The following CRIM1 variants were observed in gnomAD, a reference collection of about 807,000 sequenced individuals.
CRIM1 encodes cysteine rich transmembrane BMP regulator 1.
In CRIM1, 32 loss-of-function variants were observed where a neutral mutation model predicts 116.4. The observed-to-expected ratio is 0.27, with a 90% CI of 0.21 to 0.37. The LOEUF (loss-of-function observed/expected upper bound fraction) is 0.37. Among genes scored for constraint, CRIM1 ranks in the 10% least tolerant of loss-of-function variants. The pLI, the probability that CRIM1 is intolerant of heterozygous loss-of-function variation, is 1.00. For synonymous variants in CRIM1, 590 were observed against 509.2 expected, an observed-to-expected ratio of 1.16 and a Z score of -2.13; for missense variants, 1,331 against 1,354.8, an observed-to-expected ratio of 0.98 and a Z score of 0.28.
intron 1 of CRIM1, among the ~76,000 whole-genome samples, chr2:36,371,303 G>A (rs1246221224): frequency 1.3e-5 from 2 of 151,654 alleles, no homozygotes; most frequent in Non-Finnish European, 2.9e-5. Flanking sequence ...TCCTTCCCCT[G>A]TTATAGCACT....
chr2:36,458,023 T>C (rs1280492880), intron 4 of CRIM1, among the ~76,000 whole-genome samples: 1 of 152,234 alleles, frequency 6.6e-6, no homozygotes, highest in East Asian at 1.9e-4. Context: ...AAGTAGTTTT[T>C]AATTTATAGG....
Position 36,479,481 on chromosome 2 carries a change from T to G in CRIM1, c.1175-16T>G. 1 of 1,613,054 alleles carries G rather than the reference T, an allele frequency of 6.2e-7. No individual in the cohort carries two copies. Among genetic ancestry groups the G allele is most frequent in the Non-Finnish European group, 8.5e-7 (1 of 1,179,004 alleles). ...GAAGATGCTCAGTCTAACTCTGAACTCATGTTCTCATTTAGATCCAGTGTA... is the reference window on the plus strand; with the variant it reads ...GAAGATGCTCAGTCTAACTCTGAACGCATGTTCTCATTTAGATCCAGTGTA... On this transcript the variant is annotated splice_polypyrimidine_tract_variant and intron_variant, in intron 6 of 16. Transcript: ENST00000280527.
intron 1 of CRIM1, chr2:36,378,853 G>C (rs914421600): frequency 7.3e-6 from 1 of 137,218 alleles, no homozygotes; most frequent in African/African-American, 2.8e-5. Flanking sequence ...CTGTCACCCA[G>C]GCTGGAGTGC....
chr2:36,491,998 C>G (rs1680259302), intron 7 of CRIM1, among the ~76,000 whole-genome samples: 1 of 152,034 alleles, frequency 6.6e-6, no homozygotes, highest in South Asian at 2.1e-4. Flanking sequence ...AGATACCCCA[C>G]TCTATAAAAA....
At chr2:36,359,459 T>A (rs1384072278) in intron 1 of CRIM1, among the ~76,000 whole-genome samples, 1 of 152,176 alleles carries the variant, frequency 6.6e-6, no homozygotes, top group Non-Finnish European at 1.5e-5. Context: ...CAAAATGAGT[T>A]AGATAAATCA....
chr2:36,369,198 G>C (rs1669787956), intron 1 of CRIM1: 1 of 152,228 alleles, frequency 6.6e-6, no homozygotes, highest in Admixed American at 6.5e-5. Flanking sequence ...TCTCTACAAA[G>C]CAGCCCATGA....
At chr2:36,416,581 A>AT (rs1237824514) in intron 2 of CRIM1, among the ~76,000 whole-genome samples, 1 of 152,216 alleles carries the variant, frequency 6.6e-6, no homozygotes, top group Admixed American at 6.5e-5. Flanking sequence ...CAGGTTTAGT[A>AT]TTTTTTGACC....
At chr2:36,372,255 A>G (rs987948124) in intron 1 of CRIM1, among the ~76,000 whole-genome samples, 4 of 152,202 alleles carry the variant, frequency 2.6e-5, no homozygotes, top group Non-Finnish European at 5.9e-5. Flanking sequence ...TAAGGCATTT[A>G]GGAAAGCAAA....
intron 7 of CRIM1, among the ~76,000 whole-genome samples, chr2:36,496,774 C>T (rs1288804068): frequency 6.6e-6 from 1 of 152,202 alleles, no homozygotes; most frequent in African/African-American, 2.4e-5. Context: ...AGATTGGCTT[C>T]TGTGACTGAT....
At chr2:36,459,562 G>A (rs1394635378) in intron 4 of CRIM1, among the ~76,000 whole-genome samples, 7 of 152,146 alleles carry the variant, frequency 4.6e-5, no homozygotes, top group African/African-American at 1.7e-4. Flanking sequence ...ATGATGGGCC[G>A]ATGCACTTCA....
intron 5 of CRIM1, among the ~76,000 whole-genome samples, chr2:36,468,796 G>A (rs1678252782): frequency 6.6e-6 from 1 of 152,154 alleles, no homozygotes; most frequent in Admixed American, 6.5e-5. Flanking sequence ...GTTCCTGGAG[G>A]CATTTGGGTT....
intron 1 of CRIM1, among the ~76,000 whole-genome samples, chr2:36,360,268 A>G (rs1669131200): frequency 6.6e-6 from 1 of 152,178 alleles, no homozygotes; most frequent in Admixed American, 6.5e-5. Context: ...GTACAGACAG[A>G]GTGATGAGGA....
At chr2:36,488,917 C>T (rs1161013262) in intron 7 of CRIM1, among the ~76,000 whole-genome samples, 1 of 152,052 alleles carries the variant, frequency 6.6e-6, no homozygotes, top group East Asian at 1.9e-4. Flanking sequence ...CATTGGCTGC[C>T]GGAGCAAACC....
chr2:36,432,582 C>T (rs1280913084), intron 2 of CRIM1, among the ~76,000 whole-genome samples: 1 of 152,152 alleles, frequency 6.6e-6, no homozygotes, highest in Non-Finnish European at 1.5e-5. Flanking sequence ...CCATAAAAGG[C>T]AAATCCTGGA....
chr2:36,424,605 C>A (rs1288044460), intron 2 of CRIM1, among the ~76,000 whole-genome samples: 1 of 152,192 alleles, frequency 6.6e-6, no homozygotes, highest in Non-Finnish European at 1.5e-5. Flanking sequence ...ACATCACTCT[C>A]CTTTTACTTT....
chr2:36,389,800 CAGCA>C (rs1268798619), intron 1 of CRIM1, among the ~76,000 whole-genome samples: 1 of 152,084 alleles, frequency 6.6e-6, no homozygotes, highest in Admixed American at 6.6e-5. Context: ...TTTCACACAC[CAGCA>C]AGCAGATGGA....
At chr2:36,364,063 C>A (rs550503166) in intron 1 of CRIM1, among the ~76,000 whole-genome samples, 1 of 152,078 alleles carries the variant, frequency 6.6e-6, no homozygotes, top group African/African-American at 2.4e-5. Flanking sequence ...TTCTGTTAGT[C>A]GTCGGTACCT....
At chr2:36,424,344 A>T (rs1020041079) in intron 2 of CRIM1, among the ~76,000 whole-genome samples, 1 of 152,202 alleles carries the variant, frequency 6.6e-6, no homozygotes, top group Non-Finnish European at 1.5e-5. Flanking sequence ...AGTGGGAACC[A>T]TGTATTGTTC....
chr2:36,529,985 A>G (rs1666004581), intron 13 of CRIM1, among the ~76,000 whole-genome samples: 1 of 152,258 alleles, frequency 6.6e-6, no homozygotes, highest in Admixed American at 6.5e-5. Context: ...GTCAGCCGAC[A>G]TGACAGCATG....
Sources: gnomAD v4.1 joint callset for allele counts (sites outside exome capture counted in the v4.1 genomes callset) on GRCh38, gnomAD v4.1.1 for gene constraint, MANE v1.5 for transcripts, NCBI Gene and HGNC (gene_info 2026-07-23, HGNC 2026-07-21) for gene names.